FMN2: variants seen among roughly 807,000 people sequenced by gnomAD.
The protein encoded by FMN2 is formin-2.
Under a neutral mutation model 142.3 loss-of-function variants are expected in FMN2, and 51 were observed. That is an observed-to-expected ratio of 0.36 (90% CI 0.29 to 0.45). FMN2 has a LOEUF of 0.45. FMN2 is among the 20% of genes least tolerant of loss of function. The pLI, the probability that FMN2 is intolerant of heterozygous loss-of-function variation, is 1.00. For missense variants in FMN2, 1,936 were observed against 2,122.8 expected (o/e 0.91, Z 1.73); for synonymous variants, 882 against 869.8 (o/e 1.01, Z -0.25).
chr1:240,184,594 A>G (rs969640118), intron 3 of FMN2, among the ~76,000 whole-genome samples: 3 of 150,706 alleles, frequency 2.0e-5, no homozygotes, highest in Non-Finnish European at 2.9e-5. Flanking sequence ...GGCCATTTTA[A>G]ATGTACCCTT....
rs761272633 is a variant in FMN2 at position 240,178,106 on chromosome 1, G to A, written c.1930+38G>A. The A allele has an allele frequency of 4.7e-6, 7 of 1,499,362 alleles. No homozygotes were observed. In the Admixed American group the frequency reaches 1.4e-4, roughly 31 times the overall value. The allele number at this position is 1,499,362 out of a possible 1,614,324, so 92.9% of individuals were successfully genotyped here. A position where few individuals can be genotyped will look rare whatever the true frequency, so the allele number is the denominator to read the frequency against. On this transcript the variant is annotated intron_variant, in intron 3 of 17. Transcript: ENST00000319653. The stretch of plus-strand genomic sequence containing the variant: ...TTTGTCTTCAGAGATAACTGGAAGA[G>A]GCAAGATAGAGAGAGAGAAGTTTTA...
chr1:240,234,796 G>C (rs904815305), intron 6 of FMN2, among the ~76,000 whole-genome samples: 3 of 152,082 alleles, frequency 2.0e-5, no homozygotes, highest in Admixed American at 6.5e-5. Flanking sequence ...TGACAAGCTA[G>C]TTTCCTTACT....
chr1:240,199,739 A>G (rs1666057652), intron 4 of FMN2, among the ~76,000 whole-genome samples: 1 of 152,144 alleles, frequency 6.6e-6, no homozygotes, highest in African/African-American at 2.4e-5. Context: ...ATTTTAAAGT[A>G]CAAATAATCT....
chr1:240,143,740 G>A, intron 2 of FMN2: 2 of 1,533,906 alleles, frequency 1.3e-6, no homozygotes, highest in Non-Finnish European at 1.8e-6. Context: ...CTTGAGCTCA[G>A]TACTTCTCCC....
At chr1:240,170,773 G>A in intron 2 of FMN2, 2 of 1,218,142 alleles carry the variant, frequency 1.6e-6, no homozygotes, top group Non-Finnish European at 2.4e-6. Context: ...TGGCCTGGGA[G>A]GAGTTGGATT....
At chr1:240,470,523 A>G (rs987052336) in intron 16 of FMN2, among the ~76,000 whole-genome samples, 25 of 152,180 alleles carry the variant, frequency 1.6e-4, no homozygotes, top group Non-Finnish European at 3.4e-4. Flanking sequence ...AAACTATAAC[A>G]TCAATCTTAT....
intron 16 of FMN2, among the ~76,000 whole-genome samples, chr1:240,469,116 G>GT (rs1676727898): frequency 6.6e-6 from 1 of 152,074 alleles, no homozygotes; most frequent in South Asian, 2.1e-4. Flanking sequence ...AAGTGTCGTT[G>GT]TTTTGGGGGT....
chr1:240,352,446 G>A (rs2103042095), intron 13 of FMN2, among the ~76,000 whole-genome samples: 1 of 152,236 alleles, frequency 6.6e-6, no homozygotes. Context: ...ACAGGGCGTG[G>A]TGGCAGGCGC....
At chr1:240,230,044 A>C (rs2103441216) in intron 6 of FMN2, among the ~76,000 whole-genome samples, 1 of 131,880 alleles carries the variant, frequency 7.6e-6, no homozygotes, top group East Asian at 2.2e-4. Flanking sequence ...AGGCCGGCGC[A>C]GTGGTTCATG....
chr1:240,180,489 A>C (rs1447217617), intron 3 of FMN2, among the ~76,000 whole-genome samples: 1 of 150,528 alleles, frequency 6.6e-6, no homozygotes, highest in Non-Finnish European at 1.5e-5. Context: ...GTAATGATCT[A>C]TTTGTAGTTA....
rs986529565 is a variant in FMN2 at position 240,093,342 on chromosome 1, C to T, written c.1233C>T (p.Tyr411=). Residue 411 remains tyrosine, a synonymous_variant, in exon 1 of 18, where the codon TAC becomes TAT. Transcript: ENST00000319653. The stretch of plus-strand genomic sequence containing the variant: ...CTAGCCAGCGCTGTTTCAAGCCCTA[C>T]CCGCTCATCACCCCCTGCTACATCA... ...PAPSQRCFKP[Y]PLITPCYIKT... is the part of the protein sequence containing the mutation. 6 of 1,613,108 alleles carry T rather than the reference C, an allele frequency of 3.7e-6. No homozygotes were observed. Among genetic ancestry groups the T allele is most frequent in the South Asian group, 3.3e-5 (3 of 91,008 alleles).
At chr1:240,181,714 G>T (rs1572029063) in intron 3 of FMN2, among the ~76,000 whole-genome samples, 1 of 152,338 alleles carries the variant, frequency 6.6e-6, no homozygotes, top group African/African-American at 2.4e-5. Context: ...GAAGTAATGT[G>T]CTTCCCATGT....
chr1:240,344,855 G>A (rs1671857207), intron 13 of FMN2, among the ~76,000 whole-genome samples: 2 of 152,142 alleles, frequency 1.3e-5, no homozygotes, highest in African/African-American at 2.4e-5. Context: ...GTTACAGTGT[G>A]TACTTTGCAT....
Position 240,092,372 on chromosome 1 carries a change from A to C in FMN2, c.263A>C (p.Lys88Thr). 1 of 1,609,248 alleles carries C rather than the reference A, an allele frequency of 6.2e-7. No individual in the cohort carries two copies. Among genetic ancestry groups the C allele is most frequent in the Non-Finnish European group, 8.5e-7 (1 of 1,176,884 alleles). Reference protein sequence around the residue: ...LRIRKNLSKGKGAGGSREDVL... With the variant: ...LRIRKNLSKGTGAGGSREDVL... ...ATCAGGAAGAATCTGTCCAAGGGGA[A>C]AGGCGCCGGCGGCTCCCGCGAAGAT... Residue 88 changes from lysine (K) to threonine (T), a missense_variant, in exon 1 of 18, where the codon AAA (lysine) becomes ACA (threonine). Transcript: ENST00000319653.
intron 1 of FMN2, among the ~76,000 whole-genome samples, chr1:240,100,105 C>G (rs904041445): frequency 2.0e-5 from 3 of 152,192 alleles, no homozygotes; most frequent in African/African-American, 7.2e-5. Flanking sequence ...TGGAAAATTG[C>G]TAACCTTTCT....
At chr1:240,413,927 T>C (rs929271891) in intron 15 of FMN2, among the ~76,000 whole-genome samples, 2 of 152,230 alleles carry the variant, frequency 1.3e-5, no homozygotes, top group African/African-American at 2.4e-5. Flanking sequence ...TTCCACTCAG[T>C]GTGGCAATGC....
chr1:240,283,739 C>T (rs1184736816), intron 7 of FMN2, among the ~76,000 whole-genome samples: 1 of 152,062 alleles, frequency 6.6e-6, no homozygotes, highest in Non-Finnish European at 1.5e-5. Context: ...GGGTGGAATC[C>T]AAAGGTAGGG....
At chr1:240,386,281 T>G (rs912293759) in intron 14 of FMN2, among the ~76,000 whole-genome samples, 2 of 152,162 alleles carry the variant, frequency 1.3e-5, no homozygotes, top group Non-Finnish European at 2.9e-5. Context: ...CTAAAAAATA[T>G]CCCATACTGG....
At chr1:240,218,155 C>T (rs758082300) in intron 6 of FMN2, among the ~76,000 whole-genome samples, 5 of 151,808 alleles carry the variant, frequency 3.3e-5, no homozygotes, top group African/African-American at 9.7e-5. Flanking sequence ...TGATGGCATG[C>T]GCCTGTAGTC....
Sources: allele counts gnomAD v4.1 joint callset (sites outside exome capture counted in the v4.1 genomes callset), GRCh38; gene constraint gnomAD v4.1.1; transcripts MANE v1.5; gene names NCBI Gene and HGNC (gene_info 2026-07-23, HGNC 2026-07-21).